The following FASTKD5 variants were observed in gnomAD, a reference collection of about 807,000 sequenced individuals.
The protein encoded by FASTKD5 is non-canonical pre-mRNAs endonuclease FASTKD5, mitochondrial.
Under a neutral mutation model 44.0 loss-of-function variants are expected in FASTKD5, and 30 were observed. That is an observed-to-expected ratio of 0.68 (90% CI 0.51 to 0.93). The LOEUF (loss-of-function observed/expected upper bound fraction) is 0.93, where lower values mean the gene tolerates loss of function less well. FASTKD5 is among the 40% of genes least tolerant of loss of function. The pLI is 0.00. For missense variants in FASTKD5, 868 were observed against 908.2 expected, an observed-to-expected ratio of 0.96 and a Z score of 0.57; for synonymous variants, 335 against 342.2, an observed-to-expected ratio of 0.98 and a Z score of 0.23.
intron 1 of FASTKD5, chr20:3,151,998 G>A (rs1233447873): frequency 6.6e-5 from 10 of 151,226 alleles, no homozygotes; most frequent in African/African-American, 9.7e-5. Context: ...CCAGCCACTC[G>A]GGGGGCTGGG....
At chr20:3,150,018 C>CAAA (rs1358453716) in intron 1 of FASTKD5, among the ~76,000 whole-genome samples, 1 of 110,566 alleles carries the variant, frequency 9.0e-6, no homozygotes, top group Non-Finnish European at 1.9e-5. Context: ...GACTCCATCT[C>CAAA]AAAAAAAAAA....
At chr20:3,158,711 T>G (rs2066715626) in intron 1 of FASTKD5, among the ~76,000 whole-genome samples, 1 of 152,158 alleles carries the variant, frequency 6.6e-6, no homozygotes, top group Non-Finnish European at 1.5e-5. Context: ...CCTGACCTCG[T>G]GATCCGCCCG....
chr20:3,153,605 G>A (rs541897404), intron 1 of FASTKD5, among the ~76,000 whole-genome samples: 6 of 152,288 alleles, frequency 3.9e-5, no homozygotes, highest in East Asian at 1.9e-4. Flanking sequence ...GGTTCGGGGG[G>A]CAGTACGGGG....
chr20:3,154,323 G>C (rs1568484149), intron 1 of FASTKD5, among the ~76,000 whole-genome samples: 1 of 152,188 alleles, frequency 6.6e-6, no homozygotes, highest in Non-Finnish European at 1.5e-5. Flanking sequence ...AAAAAGCCAT[G>C]CTAATAAAAA....
rs1215313145 is a variant in FASTKD5 at position 3,146,634 on chromosome 20, T to C, written c.*142A>G. 1 of 947,116 alleles carries C rather than the reference T, an allele frequency of 1.1e-6. No homozygotes were observed. Among genetic ancestry groups the C allele is most frequent in the Admixed American group, 2.4e-5 (1 of 41,968 alleles). The allele number at this position is 947,116 out of a possible 1,614,324, so 58.7% of individuals were successfully genotyped here. A position where few individuals can be genotyped will look rare whatever the true frequency, so the allele number is the denominator to read the frequency against. On this transcript the variant is annotated 3_prime_UTR_variant, in exon 2 of 2. Transcript: ENST00000380266. ...ACAATTCACAGTAACATACACTAGC[T>C]CTAACCTGCCTTGGATACAATTAAG... is the stretch of plus-strand genomic sequence containing the variant.
chr20:3,154,050 G>A (rs1346939092), intron 1 of FASTKD5, among the ~76,000 whole-genome samples: 1 of 152,160 alleles, frequency 6.6e-6, no homozygotes, highest in African/African-American at 2.4e-5. Context: ...AGAGTTCGCA[G>A]GATGCTCCAG....
rs1301239527 is a variant in FASTKD5, at chr20:3,149,737, C to A, written c.-190-477G>T. 6.6e-6 allele frequency among the ~76,000 whole-genome samples: 1 copy of A among 152,134 alleles called. No individual in the cohort carries two copies. The highest frequency in any genetic ancestry group is 1.5e-5 in the Non-Finnish European group (1 of 68,036). On this transcript the variant is annotated intron_variant, in intron 1 of 1. Coordinates refer to ENST00000380266, the MANE Select transcript of FASTKD5 (RefSeq NM_021826.5). This position sits in a 1 kb window ranked among gnomAD's most constrained non-coding sequence, Gnocchi z 4.1. ...TCTGGTATAAAAGATAATTAGTTGG[C>A]TGGGTGTGGGTGGCTCATGCCTGTA... is the stretch of plus-strand genomic sequence containing the variant.
At position 3,147,756 on chromosome 20, in the gene FASTKD5, T is replaced by C; in HGVS notation, c.1315A>G (p.Thr439Ala). The change falls in exon 2 of 2, where the codon ACT becomes GCT. Residue 439 changes from threonine (T) to alanine (A), a missense_variant. Physicochemically the swap from Thr to Ala is moderately conservative, Grantham distance 58 (BLOSUM62 0). Transcript: ENST00000380266. Reference protein sequence around the residue: ...DVAKILWSFGTLNYKPPNAEE... With the variant: ...DVAKILWSFGALNYKPPNAEE... ...GCATTGGGTGGCTTATAATTCAGAG[T>C]TCCAAATGACCACAGAATCTTGGCA... 1 of 1,614,122 alleles carries C rather than the reference T, an allele frequency of 6.2e-7. No homozygotes were observed.
intron 1 of FASTKD5, among the ~76,000 whole-genome samples, chr20:3,156,447 G>C (rs544447277): frequency 1.3e-5 from 2 of 152,232 alleles, no homozygotes; most frequent in South Asian, 4.1e-4. Flanking sequence ...CCAAAGTACT[G>C]AGTACAGGCA....
At chr20:3,155,302 G>A (rs2066672816) in intron 1 of FASTKD5, among the ~76,000 whole-genome samples, 1 of 152,174 alleles carries the variant, frequency 6.6e-6, no homozygotes, top group South Asian at 2.1e-4. Context: ...GGCTGAGGCA[G>A]GAGGATCACC....
Position 3,148,248 on chromosome 20 carries a change from C to G in FASTKD5, c.823G>C (p.Asp275His), listed in dbSNP as rs1339317701. Residue 275 changes from aspartate (D) to histidine (H), a missense_variant, in exon 2 of 2, where the codon GAT becomes CAT. Transcript: ENST00000380266. ...TGAACTAGCTGAGACAAGGATAGAT[C>G]CTTCCAGTGCAAATTAAGATAACTA... is the stretch of plus-strand genomic sequence containing the variant. ...FSSYLNLHWK[D>H]LSLSQLVHLI... 1 of 1,612,724 alleles carries G rather than the reference C, an allele frequency of 6.2e-7. No homozygotes were observed. The highest frequency in any genetic ancestry group is 8.5e-7 in the Non-Finnish European group (1 of 1,179,786).
intron 1 of FASTKD5, among the ~76,000 whole-genome samples, chr20:3,157,098 CA>C (rs5839988): frequency 0.34 from 51,609 of 150,768 alleles, 13,928 homozygotes; most frequent in African/African-American, 0.75. Flanking sequence ...CTGTCTCTAC[CA>C]AAAAAAAAGG....
intron 1 of FASTKD5, among the ~76,000 whole-genome samples, chr20:3,158,103 G>A (rs74401648): frequency 0.019 from 2,896 of 152,094 alleles, 39 homozygotes; most frequent in Non-Finnish European, 0.029. Flanking sequence ...ACCACGCCTG[G>A]CTACATTTTG....
In FASTKD5 at chr20:3,148,953, C is replaced by G; in HGVS notation, c.118G>C (p.Gly40Arg). 6.2e-7 allele frequency: 1 copy of G among 1,614,164 alleles called. No homozygotes were observed. Among genetic ancestry groups the G allele is most frequent in the Non-Finnish European group, 8.5e-7 (1 of 1,180,040 alleles). The change falls in exon 2 of 2, where the codon GGA (glycine) becomes CGA (arginine). Residue 40 changes from glycine (G) to arginine (R), a missense_variant. Transcript: ENST00000380266. ...CTAATGTGTTCTGGAGGGTCCTGTC[C>G]CCCATGCTGTGTGCTGCTCACATTC... is the stretch of plus-strand genomic sequence containing the variant. ...YWNVSSTQHGGQDPPEHISLC... is the reference protein window; with the variant it reads ...YWNVSSTQHGRQDPPEHISLC...
At chr20:3,159,528 G>A (rs950460122) in intron 1 of FASTKD5, among the ~76,000 whole-genome samples, 1 of 152,240 alleles carries the variant, frequency 6.6e-6, no homozygotes, top group Non-Finnish European at 1.5e-5. Flanking sequence ...AAAAAATCAA[G>A]GGTCAGATAA....
chr20:3,155,052 CAAAAAAAAAAAAAAA>C (rs11326176), intron 1 of FASTKD5, among the ~76,000 whole-genome samples: 11 of 96,100 alleles, frequency 1.1e-4, no homozygotes, highest in Admixed American at 8.2e-4. Context: ...GACACAGTCT[CAAAAAAAAAAAAAAA>C]AAAAAGAAAA....
chr20:3,148,133 A>T lies in FASTKD5; in HGVS notation c.938T>A (p.Ile313Asn). Residue 313 changes from isoleucine (I) to asparagine (N), a missense_variant, in exon 2 of 2, where the codon ATC (isoleucine) becomes AAC (asparagine). By Grantham distance (149) the Ile-to-Asn change is moderately radical. Transcript: ENST00000380266. ...GATGGTACCAACCTCCTCCAAATTGATCAAATCTATATATTTAAGGATCAA... is the reference window on the plus strand; with the variant it reads ...GATGGTACCAACCTCCTCCAAATTGTTCAAATCTATATATTTAAGGATCAA... ...ESLILKYIDL[I>N]NLEEVGTICL... 6.2e-7 allele frequency: 1 copy of T among 1,613,920 alleles called. No homozygotes were observed. The highest frequency in any genetic ancestry group is 8.5e-7 in the Non-Finnish European group (1 of 1,179,996).
Position 3,149,353 on chromosome 20 carries a change from G to C in FASTKD5, c.-190-93C>G, listed in dbSNP as rs1278017294. The stretch of plus-strand genomic sequence containing the variant: ...AAAAACAGGTTGAAACTACACTGCT[G>C]TCTACTCAAATAAGTTCAATGCTAG... On this transcript the variant is annotated intron_variant, in intron 1 of 1. Coordinates refer to ENST00000380266, the MANE Select transcript of FASTKD5 (RefSeq NM_021826.5). This position sits in a 1 kb window ranked among gnomAD's most constrained non-coding sequence, Gnocchi z 4.1. The C allele has an allele frequency of 4.9e-6, 2 of 407,272 alleles. No individual in the cohort carries two copies. The highest frequency in any genetic ancestry group is 4.2e-5 in the Admixed American group (1 of 23,926). The allele number at this position is 407,272 out of a possible 1,614,324, so 25.2% of individuals were successfully genotyped here. A position where few individuals can be genotyped will look rare whatever the true frequency, so the allele number is the denominator to read the frequency against.
chr20:3,148,975 A>C lies in FASTKD5; in HGVS notation c.96T>G (p.Asn32Lys). 2 of 1,614,222 alleles carry C rather than the reference A, an allele frequency of 1.2e-6. No individual in the cohort carries two copies. The highest frequency in any genetic ancestry group is 2.2e-5 in the East Asian group (1 of 44,888). ...FGAVRSVSYW[N>K]VSSTQHGGQD... Reference sequence around the variant, plus strand: ...GTCCCCCATGCTGTGTGCTGCTCACATTCCAGTATGACACACTTCGGACTG... The same window carrying C: ...GTCCCCCATGCTGTGTGCTGCTCACCTTCCAGTATGACACACTTCGGACTG... The change falls in exon 2 of 2, where the codon AAT becomes AAG. Residue 32 changes from asparagine (N) to lysine (K), a missense_variant. Physicochemically the swap from Asn to Lys is moderately conservative, Grantham distance 94 (BLOSUM62 0). Coordinates refer to ENST00000380266, the MANE Select transcript of FASTKD5 (RefSeq NM_021826.5).
Sources: allele counts gnomAD v4.1 joint callset (sites outside exome capture counted in the v4.1 genomes callset), GRCh38; gene constraint gnomAD v4.1.1; non-coding constraint Gnocchi (gnomAD v3.1); transcripts MANE v1.5; gene names NCBI Gene and HGNC (gene_info 2026-07-23, HGNC 2026-07-21).